ZNF568: variants seen among roughly 807,000 people sequenced by gnomAD.
The protein encoded by ZNF568 is p53 inhibitor of SCO2 activation.
In ZNF568, 11 loss-of-function variants were observed where a neutral mutation model predicts 18.1. The observed-to-expected ratio is 0.61, with a 90% CI of 0.38 to 1.00. The LOEUF is 1.00. ZNF568 is among the 50% of genes least tolerant of loss of function. The pLI, the probability that ZNF568 is intolerant of heterozygous loss-of-function variation, is 0.01. For synonymous variants in ZNF568, 213 were observed against 246.6 expected, an observed-to-expected ratio of 0.86 and a Z score of 1.28; for missense variants, 639 against 768.2, an observed-to-expected ratio of 0.83 and a Z score of 1.99.
intron 6 of ZNF568, among the ~76,000 whole-genome samples, chr19:36,945,233 G>C (rs536177086): frequency 6.7e-6 from 1 of 148,438 alleles, no homozygotes; most frequent in African/African-American, 2.5e-5. Flanking sequence ...GTGTGTGTGT[G>C]TGTGTGTGTG....
At chr19:36,991,391 C>T in intron 3 of ZNF568, 1 of 1,398,010 alleles carries the variant, frequency 7.2e-7, no homozygotes. Flanking sequence ...TGAGTTTGTC[C>T]CAAGTGCTTT....
At chr19:36,967,798 A>G (rs2074205036) in intron 6 of ZNF568, among the ~76,000 whole-genome samples, 1 of 152,216 alleles carries the variant, frequency 6.6e-6, no homozygotes. Context: ...AACCAAAAGC[A>G]TAATGAGTTG....
intron 7 of ZNF568, chr19:36,976,193 T>C (rs1383845052): frequency 2.0e-5 from 3 of 152,218 alleles, no homozygotes; most frequent in African/African-American, 7.2e-5. Context: ...TATTAATGTT[T>C]TCAGATTATT....
At position 36,969,313 on chromosome 19, in the gene ZNF568, C is replaced by A. The variant is rs117354846; in HGVS notation, c.359-5107C>A. Among the ~76,000 whole-genome samples, 947 of 152,276 alleles carry A rather than the reference C, an allele frequency of 6.2e-3. 27 individuals carry two copies. Among genetic ancestry groups the A allele is most frequent in the East Asian group, 0.05 (257 of 5,174 alleles). On this transcript the variant is annotated intron_variant, in intron 6 of 7. Transcript: ENST00000427117. ...CTGGAACAGAACTAAAGAACCAGTT[C>A]TCTGATTCGTTACCATAAGAGAGGA... is the stretch of plus-strand genomic sequence containing the variant.
chr19:36,992,804 C>A (rs1015121817), intron 4 of ZNF568, among the ~76,000 whole-genome samples: 4 of 152,186 alleles, frequency 2.6e-5, no homozygotes, highest in Non-Finnish European at 4.4e-5. Context: ...AGCAGTCACT[C>A]CCCAAATCCA....
chr19:36,997,418 C>G (rs771130700), downstream of ZNF568: 25 of 1,586,040 alleles, frequency 1.6e-5, no homozygotes, highest in Admixed American at 5.3e-5. Flanking sequence ...ACTTGTAGCA[C>G]AGAACTTGTT....
chr19:36,977,379 G>A (rs1430745793), intron 7 of ZNF568, among the ~76,000 whole-genome samples: 1 of 150,340 alleles, frequency 6.7e-6, no homozygotes, highest in Non-Finnish European at 1.5e-5. Flanking sequence ...GAGTGGCATG[G>A]TATTTGTAGG....
intron 6 of ZNF568, among the ~76,000 whole-genome samples, chr19:36,960,989 A>G (rs894906816): frequency 2.0e-5 from 3 of 152,154 alleles, no homozygotes; most frequent in African/African-American, 7.2e-5. Flanking sequence ...AATAATGTAT[A>G]GTCTGCATCT....
chr19:36,963,486 T>C (rs1366535167), intron 6 of ZNF568, among the ~76,000 whole-genome samples: 1 of 152,222 alleles, frequency 6.6e-6, no homozygotes, highest in Non-Finnish European at 1.5e-5. Flanking sequence ...GACATTTTAG[T>C]GTTAACATAT....
chr19:36,988,043 G>A (rs1368072017), intron 2 of ZNF568, among the ~76,000 whole-genome samples: 1 of 151,980 alleles, frequency 6.6e-6, no homozygotes, highest in Non-Finnish European at 1.5e-5. Context: ...TATAAATTTT[G>A]TAGTTGTAAA....
At chr19:36,967,125 ACT>A (rs764872099) in intron 6 of ZNF568, among the ~76,000 whole-genome samples, 6 of 151,702 alleles carry the variant, frequency 4.0e-5, no homozygotes, top group Non-Finnish European at 7.4e-5. Flanking sequence ...GAGGTTTGAA[ACT>A]CACCCTTGGG....
intron 3 of ZNF568, among the ~76,000 whole-genome samples, chr19:36,923,262 A>G (rs1226281467): frequency 1.3e-5 from 2 of 152,130 alleles, no homozygotes; most frequent in African/African-American, 4.8e-5. Context: ...GATTTTTGAT[A>G]ATGAAGTTAA....
chr19:36,919,765 G>A (rs1271167292), intron 2 of ZNF568, among the ~76,000 whole-genome samples: 1 of 152,068 alleles, frequency 6.6e-6, no homozygotes, highest in Middle Eastern at 3.2e-3. Flanking sequence ...CTGTCACCTA[G>A]TGACTTTCTA....
chr19:36,934,584 A>T (rs1010948998), intron 4 of ZNF568, among the ~76,000 whole-genome samples: 2 of 152,062 alleles, frequency 1.3e-5, no homozygotes, highest in African/African-American at 4.8e-5. Context: ...GGCCTTCCAG[A>T]GTGCCAGATT....
downstream of ZNF568, among the ~76,000 whole-genome samples, chr19:36,956,628 C>T (rs1035901456): frequency 2.7e-5 from 4 of 150,928 alleles, no homozygotes; most frequent in Non-Finnish European, 5.9e-5. Flanking sequence ...GACAGGGTGT[C>T]ACTCTGCTGC....
At chr19:36,984,028 A>G (rs1667347), downstream of ZNF568, among the ~76,000 whole-genome samples, 80,629 of 151,014 alleles carry the variant, frequency 0.53, 22,009 homozygotes, top group African/African-American at 0.62. Flanking sequence ...CCTCCCGAGT[A>G]GCTGGGATTA....
At chr19:36,960,530 A>G (rs921065689) in intron 6 of ZNF568, among the ~76,000 whole-genome samples, 1 of 151,984 alleles carries the variant, frequency 6.6e-6, no homozygotes, top group African/African-American at 2.4e-5. Context: ...TTGTTTCAAG[A>G]AACTTTCCTT....
At chr19:36,933,916 G>GTTTTTTTTTTTTTTTTTTTT (rs1243440418) in intron 4 of ZNF568, among the ~76,000 whole-genome samples, 2 of 20,714 alleles carry the variant, frequency 9.7e-5, no homozygotes, top group South Asian at 1.5e-3. Context: ...TTTTTGTTTT[G>GTTTTTTTTTTTTTTTTTTTT]TTTTTTTGTT....
intron 4 of ZNF568, among the ~76,000 whole-genome samples, chr19:36,931,990 A>G (rs1295466027): frequency 6.6e-6 from 1 of 152,186 alleles, no homozygotes; most frequent in African/African-American, 2.4e-5. Flanking sequence ...CATATGATAA[A>G]CTGTTATCCT....
Sources: gnomAD v4.1 joint callset for allele counts (sites outside exome capture counted in the v4.1 genomes callset) on GRCh38, gnomAD v4.1.1 for gene constraint, MANE v1.5 for transcripts, NCBI Gene and HGNC (gene_info 2026-07-23, HGNC 2026-07-21) for gene names.